The following SPART variants were observed in gnomAD, a reference collection of about 807,000 sequenced individuals.
The protein encoded by SPART is spartin, also known as spastic paraplegia 20 (Troyer syndrome).
In SPART, 35 loss-of-function variants were observed where a neutral mutation model predicts 58.7. The ratio of observed to expected loss-of-function variants is 0.60; its 90% CI spans 0.46 to 0.79. The LOEUF is 0.79. Ranked by LOEUF, SPART falls within the 30% of genes least tolerant of loss-of-function variation. The pLI is 0.00. For missense variants in SPART, 730 were observed against 786.1 expected, an observed-to-expected ratio of 0.93 and a Z score of 0.85; for synonymous variants, 284 against 280.7, an observed-to-expected ratio of 1.01 and a Z score of -0.12.
intron 8 of SPART, among the ~76,000 whole-genome samples, chr13:36,308,637 G>GTTTTTTTTTTT (rs59878469): frequency 7.0e-6 from 1 of 142,466 alleles, no homozygotes. Context: ...AGTTAGGTAA[G>GTTTTTTTTTTT]TTTTTTTTTT....
rs1367558049 is a variant in SPART at position 36,326,665 on chromosome 13, T to A, written c.1198A>T (p.Ser400Cys). ...KDTSSEEVNL[S>C]HIVPCEPVPE... ...ACTGGCTCACATGGTACAATGTGACTCAGGTTAACTTCTTCACTTGAAGTA... is the reference window on the plus strand; with the variant it reads ...ACTGGCTCACATGGTACAATGTGACACAGGTTAACTTCTTCACTTGAAGTA... Residue 400 changes from serine (S) to cysteine (C), a missense_variant, in exon 5 of 9, where the codon AGT becomes TGT. Physicochemically the swap from Ser to Cys is moderately radical, Grantham distance 112. Transcript: ENST00000438666. 6.2e-7 allele frequency: 1 copy of A among 1,613,160 alleles called. No individual in the cohort carries two copies. Among genetic ancestry groups the A allele is most frequent in the Non-Finnish European group, 8.5e-7 (1 of 1,179,782 alleles).
At chr13:36,363,369 C>T (rs949415286) in intron 1 of SPART, among the ~76,000 whole-genome samples, 2 of 152,056 alleles carry the variant, frequency 1.3e-5, no homozygotes, top group African/African-American at 4.8e-5. Flanking sequence ...CTCTCTCTCT[C>T]TCTGTCCCTC....
intron 1 of SPART, among the ~76,000 whole-genome samples, chr13:36,356,091 T>C (rs575626147): frequency 6.6e-6 from 1 of 152,328 alleles, no homozygotes; most frequent in East Asian, 1.9e-4. Context: ...CTAACTAGCT[T>C]GTTTACTCAT....
chr13:36,329,655 C>T, intron 3 of SPART, 138 bp from the exon 4 acceptor site: 1 of 879,846 alleles, frequency 1.1e-6, no homozygotes, highest in Non-Finnish European at 1.8e-6. Flanking sequence ...ACTACTTTTG[C>T]TTTTTTCTCT....
At chr13:36,334,468 G>A (rs1288408492) in intron 2 of SPART, among the ~76,000 whole-genome samples, 2 of 152,090 alleles carry the variant, frequency 1.3e-5, no homozygotes, top group East Asian at 1.9e-4. Flanking sequence ...GGGCTGTCCT[G>A]TGAAAATGTG....
intron 1 of SPART, among the ~76,000 whole-genome samples, chr13:36,365,074 C>T (rs1197786582): frequency 1.3e-5 from 2 of 152,080 alleles, no homozygotes; most frequent in South Asian, 2.1e-4. Context: ...GCTAGGGGCT[C>T]CCACCAATGC....
intron 1 of SPART, among the ~76,000 whole-genome samples, chr13:36,343,722 CTA>C (rs1345614888): frequency 6.6e-6 from 1 of 152,156 alleles, no homozygotes; most frequent in Non-Finnish European, 1.5e-5. Flanking sequence ...GTTAAGCTCT[CTA>C]TATGTGTCTG....
rs148197892 is a variant in SPART, at chr13:36,320,206, G to A, written c.1289-5785C>T. Among the ~76,000 whole-genome samples, 155 of 152,104 alleles carry A rather than the reference G, an allele frequency of 1.0e-3. 1 individual carries two copies. In the Middle Eastern group the frequency reaches 0.017, roughly 17 times the overall value. ...ATCCATTTTCTTCCTCATACCTGAC[G>A]CATATACTTTCTGCTTCCCGGCGCC... On this transcript the variant is annotated intron_variant, in intron 5 of 8. Transcript: ENST00000438666.
At chr13:36,306,815 A>C (rs1210411615) in intron 8 of SPART, among the ~76,000 whole-genome samples, 1 of 152,210 alleles carries the variant, frequency 6.6e-6, no homozygotes, top group Non-Finnish European at 1.5e-5. Flanking sequence ...TAGCCATATG[A>C]CCTTGGTCAA....
upstream of SPART, among the ~76,000 whole-genome samples, chr13:36,347,533 G>C (rs1004744719): frequency 2.6e-5 from 4 of 152,120 alleles, no homozygotes; most frequent in African/African-American, 7.2e-5. Context: ...GATTACAGGC[G>C]TGAGTCACCG....
upstream of SPART, chr13:36,346,788 G>C (rs1185074026): frequency 6.6e-6 from 1 of 152,398 alleles, no homozygotes; most frequent in African/African-American, 2.4e-5. Context: ...CAGCGAAACC[G>C]AGGCCTCCGG....
chr13:36,343,165 T>C (rs1314198620), intron 1 of SPART, among the ~76,000 whole-genome samples: 1 of 152,208 alleles, frequency 6.6e-6, no homozygotes, highest in Non-Finnish European at 1.5e-5. Context: ...CTATTTATAA[T>C]AACTCAACCC....
intron 5 of SPART, among the ~76,000 whole-genome samples, chr13:36,316,475 T>C (rs988473202): frequency 4.6e-5 from 7 of 152,178 alleles, no homozygotes; most frequent in Non-Finnish European, 8.8e-5. Flanking sequence ...GAAGTGTAAA[T>C]GGCCACTCCT....
intron 1 of SPART, among the ~76,000 whole-genome samples, chr13:36,366,944 A>C (rs1397454396): frequency 6.6e-6 from 1 of 152,156 alleles, no homozygotes; most frequent in Non-Finnish European, 1.5e-5. Context: ...AACCACACAT[A>C]GACATGCCAT....
chr13:36,334,856 AAC>A (rs1319932558), intron 2 of SPART, among the ~76,000 whole-genome samples, 163 bp downstream of exon 2: 2 of 152,226 alleles, frequency 1.3e-5, no homozygotes, highest in African/African-American at 2.4e-5. Flanking sequence ...GAAAAAGACA[AAC>A]ACAAACATGT....
chr13:36,314,918 ACTTT>A (rs1473176808), intron 5 of SPART, among the ~76,000 whole-genome samples: 1 of 152,226 alleles, frequency 6.6e-6, no homozygotes, highest in African/African-American at 2.4e-5. Context: ...CAGAACTCTT[ACTTT>A]CTTTAGGCTA....
intron 8 of SPART, among the ~76,000 whole-genome samples, chr13:36,308,840 A>G (rs1356456821): frequency 1.4e-5 from 2 of 141,806 alleles, no homozygotes; most frequent in Non-Finnish European, 3.2e-5. Flanking sequence ...ATGAATGAAT[A>G]TTAGAGTTCA....
chr13:36,354,956 A>G (rs534793780), intron 1 of SPART, among the ~76,000 whole-genome samples: 47 of 152,400 alleles, frequency 3.1e-4, no homozygotes, highest in African/African-American at 1.1e-3. Flanking sequence ...TAAAGAAGAC[A>G]AGGTAAAAGT....
chr13:36,305,237 C>T (rs1193376691), intron 8 of SPART, among the ~76,000 whole-genome samples: 2 of 152,086 alleles, frequency 1.3e-5, no homozygotes, highest in Non-Finnish European at 2.9e-5. Flanking sequence ...TAGCTCTCTG[C>T]CTCACCTTCT....
Sources: allele counts gnomAD v4.1 joint callset (sites outside exome capture counted in the v4.1 genomes callset), GRCh38; gene constraint gnomAD v4.1.1; transcripts MANE v1.5; gene names NCBI Gene and HGNC (gene_info 2026-07-23, HGNC 2026-07-21).